Variants in RIF1 observed in about 807,000 individuals in gnomAD.
RIF1 encodes replication timing regulatory factor 1.
In RIF1, 45 loss-of-function variants were observed where a neutral mutation model predicts 247.1. The observed-to-expected ratio is 0.18, with a 90% CI of 0.14 to 0.23. RIF1 has a LOEUF of 0.23. RIF1 is among the 10% of genes least tolerant of loss of function. RIF1 has a pLI of 1.00. For synonymous variants in RIF1, 1,087 were observed against 978.8 expected, an observed-to-expected ratio of 1.11 and a Z score of -2.06; for missense variants, 2,967 against 2,862.5, an observed-to-expected ratio of 1.04 and a Z score of -0.83.
the RIF1 span, among the ~76,000 whole-genome samples, chr2:151,521,546 A>G: frequency 6.6e-6 from 1 of 152,200 alleles, no homozygotes; most frequent in Non-Finnish European, 1.5e-5. Flanking sequence ...AGAAAAGCAA[A>G]CCAGATATGC....
At chr2:151,427,640 A>G (rs899089571) in intron 8 of RIF1, among the ~76,000 whole-genome samples, 42 of 149,792 alleles carry the variant, frequency 2.8e-4, no homozygotes, top group African/African-American at 1.0e-3. Flanking sequence ...CCGGTTTTCT[A>G]CCAGCTGTGG....
At chr2:151,411,517 C>T (rs1431974726) in intron 3 of RIF1, among the ~76,000 whole-genome samples, 179 bp downstream of exon 3, 5 of 152,122 alleles carry the variant, frequency 3.3e-5, no homozygotes. Flanking sequence ...ATTCTCTTGC[C>T]TCAGCCTCCT....
chr2:151,447,222 C>T (rs972826900), intron 20 of RIF1, among the ~76,000 whole-genome samples: 8 of 152,140 alleles, frequency 5.3e-5, no homozygotes, highest in South Asian at 2.1e-4. Flanking sequence ...GGACCACAGG[C>T]GTGAGCCACC....
At chr2:151,425,813 C>T (rs1274288143) in intron 8 of RIF1, among the ~76,000 whole-genome samples, 2 of 151,358 alleles carry the variant, frequency 1.3e-5, no homozygotes, top group African/African-American at 4.9e-5. Flanking sequence ...ATTACAGGCG[C>T]GCACTACCAT....
chr2:151,485,710 T>C (rs753828020), downstream of RIF1: 8 of 1,540,678 alleles, frequency 5.2e-6, no homozygotes, highest in Non-Finnish European at 1.8e-6. Flanking sequence ...ACCGAAACAT[T>C]GACTGCAGGA....
intron 11 of RIF1, chr2:151,502,878 T>C (rs768623901): frequency 3.1e-6 from 5 of 1,591,612 alleles, no homozygotes; most frequent in African/African-American, 1.3e-5. Flanking sequence ...ATTTTCTTTG[T>C]ACAAAACCTG....
chr2:151,511,952 T>C (rs2074731177), downstream of RIF1, among the ~76,000 whole-genome samples: 1 of 152,082 alleles, frequency 6.6e-6, no homozygotes, highest in African/African-American at 2.4e-5. Flanking sequence ...TTGTACCATG[T>C]TCTTCAGTAC....
intron 10 of RIF1, chr2:151,497,378 A>G: frequency 1.0e-6 from 1 of 981,778 alleles, no homozygotes; most frequent in South Asian, 4.7e-5. Context: ...ACACAAACTG[A>G]AAAACTCATT....
chr2:151,512,448 T>C (rs1024062024), downstream of RIF1, among the ~76,000 whole-genome samples: 1 of 151,972 alleles, frequency 6.6e-6, no homozygotes, highest in Non-Finnish European at 1.5e-5. Flanking sequence ...ACCTCAGCCT[T>C]CCTAGAAGCT....
At chr2:151,509,430 T>C (rs144948242), downstream of RIF1, among the ~76,000 whole-genome samples, 1 of 152,312 alleles carries the variant, frequency 6.6e-6, no homozygotes, top group Non-Finnish European at 1.5e-5. Context: ...AAAAGCTACC[T>C]CAACTGGTTT....
chr2:151,433,698 GC>G (rs1370651280), intron 10 of RIF1, among the ~76,000 whole-genome samples: 1 of 151,854 alleles, frequency 6.6e-6, no homozygotes, highest in Admixed American at 6.6e-5. Context: ...CAAATGATTC[GC>G]CCATGCCAGC....
chr2:151,515,482 G>A, the RIF1 span, among the ~76,000 whole-genome samples: 1 of 152,028 alleles, frequency 6.6e-6, no homozygotes, highest in Admixed American at 6.6e-5. Context: ...TGAGTAGCTG[G>A]GACTACAGGT....
rs969891724 is a variant in RIF1 at position 151,474,298 on chromosome 2, T to C, written c.7204+226T>C. Among the ~76,000 whole-genome samples, 13 of 152,244 alleles carry C rather than the reference T, an allele frequency of 8.5e-5. 1 individual carries two copies. Among genetic ancestry groups the C allele is most frequent in the African/African-American group, 3.1e-4 (13 of 41,464 alleles). On this transcript the variant is annotated intron_variant, in intron 35 of 35. Transcript: ENST00000444746. ...AAGGATTTAAACTATACACTTTCTC[T>C]TCTAGTTATATTAATAAATGAAGTA...
chr2:151,464,789 G>C lies in RIF1; in HGVS notation c.5269G>C (p.Val1757Leu). The change falls in exon 30 of 36, where the codon GTA (valine) becomes CTA (leucine). Residue 1757 changes from valine to leucine, a missense_variant. Val to Leu is a conservative substitution (Grantham distance 32, BLOSUM62 1). Transcript: ENST00000444746. The part of the protein sequence containing the change: ...IGLKNTENND[V>L]EISETKKADV... ...GTTAAAGAATACAGAAAATAATGAC[G>C]TAGAGATTAGTGAAACAAAAAAGGC... 1 of 1,613,880 alleles carries C rather than the reference G, an allele frequency of 6.2e-7. No individual in the cohort carries two copies. Among genetic ancestry groups the C allele is most frequent in the South Asian group, 1.1e-5 (1 of 91,040 alleles).
chr2:151,452,894 C>T (rs1166917390), intron 21 of RIF1, among the ~76,000 whole-genome samples: 3 of 152,196 alleles, frequency 2.0e-5, no homozygotes. Flanking sequence ...ATGTCTTTTC[C>T]ACTCCGTGTC....
At chr2:151,512,923 T>C (rs1469504717), downstream of RIF1, 1 of 882,242 alleles carries the variant, frequency 1.1e-6, no homozygotes, top group Non-Finnish European at 1.8e-6. Flanking sequence ...GTGAGCCATA[T>C]TTCTTTTCCA....
chr2:151,441,678 T>TATTTTAA (rs1692317450), intron 15 of RIF1, among the ~76,000 whole-genome samples: 1 of 152,238 alleles, frequency 6.6e-6, no homozygotes, highest in Non-Finnish European at 1.5e-5. Context: ...CGTTGGAGAT[T>TATTTTAA]AAAGACTTTA....
chr2:151,459,395 A>C (rs1004383558), intron 25 of RIF1, among the ~76,000 whole-genome samples: 8 of 152,200 alleles, frequency 5.3e-5, no homozygotes, highest in African/African-American at 1.9e-4. Context: ...CTTGTGAGCT[A>C]GAGTGTTCTT....
intron 33 of RIF1, among the ~76,000 whole-genome samples, chr2:151,469,121 G>A (rs1409387077): frequency 6.6e-6 from 1 of 151,854 alleles, no homozygotes; most frequent in African/African-American, 2.4e-5. Context: ...AGAAGCATGA[G>A]ACTCACATAC....
Sources: allele counts gnomAD v4.1 joint callset (sites outside exome capture counted in the v4.1 genomes callset), GRCh38; gene constraint gnomAD v4.1.1; transcripts MANE v1.5; gene names NCBI Gene and HGNC (gene_info 2026-07-23, HGNC 2026-07-21).